RNF13: variants seen among roughly 807,000 people sequenced by gnomAD.
RNF13 encodes E3 ubiquitin-protein ligase RNF13.
RNF13 carries 19 observed loss-of-function variants against 37.7 expected under a neutral mutation model. The observed-to-expected ratio is 0.50, with a 90% CI of 0.35 to 0.74. The LOEUF (loss-of-function observed/expected upper bound fraction) is 0.74, where lower values mean the gene tolerates loss of function less well. Among genes scored for constraint, RNF13 ranks in the 30% least tolerant of loss-of-function variants. The pLI, the probability that RNF13 is intolerant of heterozygous loss-of-function variation, is 0.01. For synonymous variants in RNF13, 144 were observed against 157.8 expected (o/e 0.91, Z 0.65); for missense variants, 375 against 453.0 (o/e 0.83, Z 1.56).
At chr3:149,820,352 C>T (rs746474963) in intron 1 of RNF13, among the ~76,000 whole-genome samples, 1 of 151,780 alleles carries the variant, frequency 6.6e-6, no homozygotes, top group Non-Finnish European at 1.5e-5. Context: ...ACTCCCTGCC[C>T]GGGCTCTGTT....
At chr3:149,815,605 A>G (rs539140378) in intron 1 of RNF13, among the ~76,000 whole-genome samples, 1 of 152,376 alleles carries the variant, frequency 6.6e-6, no homozygotes, top group South Asian at 2.1e-4. Flanking sequence ...TCCTTTTAAT[A>G]AAGCATACTG....
chr3:149,848,178 G>A (rs1722810266), intron 2 of RNF13, among the ~76,000 whole-genome samples: 1 of 152,006 alleles, frequency 6.6e-6, no homozygotes, highest in Non-Finnish European at 1.5e-5. Flanking sequence ...AACTACCTGA[G>A]CTGTATTTTT....
intron 4 of RNF13, among the ~76,000 whole-genome samples, chr3:149,894,261 G>A (rs1283778909): frequency 6.6e-6 from 1 of 152,112 alleles, no homozygotes; most frequent in Non-Finnish European, 1.5e-5. Flanking sequence ...GAGAAGTCAA[G>A]AATAATGTAG....
chr3:149,825,164 G>T (rs1185022816), intron 1 of RNF13, among the ~76,000 whole-genome samples: 1 of 150,174 alleles, frequency 6.7e-6, no homozygotes, highest in Non-Finnish European at 1.5e-5. Context: ...TAGCTATGTT[G>T]CCCAGGCTCC....
chr3:149,908,237 C>T (rs1234228378), intron 6 of RNF13, among the ~76,000 whole-genome samples: 2 of 152,102 alleles, frequency 1.3e-5, no homozygotes, highest in Non-Finnish European at 2.9e-5. Context: ...AGAGACAAAG[C>T]TTGTTTTTGA....
Position 149,960,053 on chromosome 3 carries a change from CAGG to C in RNF13, c.701_703del (p.Gly234del). 6.2e-7 allele frequency: 1 copy of C among 1,603,416 alleles called. No individual in the cohort carries two copies. The highest frequency in any genetic ancestry group is 1.1e-5 in the South Asian group (1 of 90,462). On this transcript the variant is annotated splice_acceptor_variant and coding_sequence_variant, in exon 9 of 10. Coordinates refer to ENST00000392894, the MANE Select transcript of RNF13 (RefSeq NM_183381.3). LOFTEE classifies it high-confidence loss of function. ...TAGTTCTCTACATATTTTCTGTTTT[CAGG>C]AGATGAGTATGATGTATGTGCCATT...
At chr3:149,859,464 C>T (rs1723997007) in intron 3 of RNF13, among the ~76,000 whole-genome samples, 1 of 151,970 alleles carries the variant, frequency 6.6e-6, no homozygotes, top group African/African-American at 2.4e-5. Context: ...TTCATCATGG[C>T]AAATTATCAC....
intron 7 of RNF13, among the ~76,000 whole-genome samples, chr3:149,920,511 C>T (rs755299080): frequency 6.6e-6 from 1 of 152,048 alleles, no homozygotes; most frequent in Non-Finnish European, 1.5e-5. Flanking sequence ...TTTAACAGTG[C>T]CTTTTAAGCA....
intron 8 of RNF13, among the ~76,000 whole-genome samples, chr3:149,930,383 G>A (rs111440666): frequency 1.1e-4 from 16 of 152,286 alleles, no homozygotes; most frequent in African/African-American, 3.9e-4. Context: ...GATTTTGATT[G>A]GGATTGCATT....
intron 3 of RNF13, among the ~76,000 whole-genome samples, chr3:149,866,200 C>G (rs1724805296): frequency 6.6e-6 from 1 of 151,916 alleles, no homozygotes; most frequent in African/African-American, 2.4e-5. Flanking sequence ...GTCTGCAGTG[C>G]AAAGTGAAAG....
intron 3 of RNF13, among the ~76,000 whole-genome samples, chr3:149,859,819 A>G (rs1192433358): frequency 4.6e-5 from 7 of 152,224 alleles, no homozygotes; most frequent in African/African-American, 9.6e-5. Context: ...TACAGATTCA[A>G]TGAAATTTCT....
chr3:149,879,938 G>T (rs1407490984), intron 4 of RNF13, among the ~76,000 whole-genome samples: 5 of 152,128 alleles, frequency 3.3e-5, no homozygotes, highest in African/African-American at 1.2e-4. Flanking sequence ...CCATGGATAT[G>T]TCTTTTCTAA....
At chr3:149,851,170 A>C (rs561080050) in intron 2 of RNF13, 1 of 152,328 alleles carries the variant, frequency 6.6e-6, no homozygotes, top group East Asian at 1.9e-4. Flanking sequence ...GAACCACACT[A>C]CCTGAATCCT....
chr3:149,936,786 G>A (rs1422456087), intron 8 of RNF13, among the ~76,000 whole-genome samples: 1 of 152,058 alleles, frequency 6.6e-6, no homozygotes, highest in Non-Finnish European at 1.5e-5. Flanking sequence ...TCTTACAGAT[G>A]TACATTTATG....
At chr3:149,898,408 A>T (rs756762162) in intron 5 of RNF13, among the ~76,000 whole-genome samples, 41 of 152,248 alleles carry the variant, frequency 2.7e-4, no homozygotes, top group Non-Finnish European at 4.6e-4. Flanking sequence ...ATGCAGTCAG[A>T]GGCTCTGCCT....
intron 1 of RNF13, among the ~76,000 whole-genome samples, chr3:149,844,664 C>T (rs1722475533): frequency 6.6e-6 from 1 of 152,204 alleles, no homozygotes; most frequent in Non-Finnish European, 1.5e-5. Flanking sequence ...CTAGGGATAG[C>T]AATCTCAGGC....
intron 3 of RNF13, among the ~76,000 whole-genome samples, chr3:149,857,617 T>C (rs1218280904): frequency 6.6e-6 from 1 of 152,218 alleles, no homozygotes; most frequent in East Asian, 1.9e-4. Flanking sequence ...CAACTGTTCT[T>C]TTTGGAAAAC....
At chr3:149,833,832 G>T (rs1721311656) in intron 1 of RNF13, among the ~76,000 whole-genome samples, 2 of 152,168 alleles carry the variant, frequency 1.3e-5, no homozygotes, top group Non-Finnish European at 1.5e-5. Context: ...ACCATTGTAA[G>T]CAGATGATAT....
At chr3:149,880,386 T>C (rs2108459579) in intron 4 of RNF13, among the ~76,000 whole-genome samples, 2 of 152,330 alleles carry the variant, frequency 1.3e-5, no homozygotes, top group African/African-American at 4.8e-5. Flanking sequence ...TTAATATACA[T>C]AGGTAACTAG....
Sources: gnomAD v4.1 joint callset for allele counts (sites outside exome capture counted in the v4.1 genomes callset) on GRCh38, gnomAD v4.1.1 for gene constraint, MANE v1.5 for transcripts, NCBI Gene and HGNC (gene_info 2026-07-23, HGNC 2026-07-21) for gene names.